PDE1C: variants seen among roughly 807,000 people sequenced by gnomAD.
PDE1C encodes the protein dual specificity calcium/calmodulin-dependent 3',5'-cyclic nucleotide phosphodiesterase 1C.
Under a neutral mutation model 93.1 loss-of-function variants are expected in PDE1C, and 62 were observed. That is an observed-to-expected ratio of 0.67 (90% CI 0.54 to 0.82). The LOEUF is 0.82. PDE1C is among the 40% of genes least tolerant of loss of function. PDE1C has a pLI of 0.00. For missense variants in PDE1C, 742 were observed against 884.6 expected (o/e 0.84, Z 2.04); for synonymous variants, 325 against 310.1 (o/e 1.05, Z -0.50).
chr7:32,266,463 T>G (rs563467075), intron 1 of PDE1C, among the ~76,000 whole-genome samples: 1 of 151,878 alleles, frequency 6.6e-6, no homozygotes, highest in East Asian at 1.9e-4. Context: ...ATCACACCAC[T>G]GCACTCCAGC....
In PDE1C at chr7:32,413,193, C is replaced by A. The variant is rs80036810; in HGVS notation, c.310+14629G>T. Among the ~76,000 whole-genome samples, 39 of 152,096 alleles carry A rather than the reference C, an allele frequency of 2.6e-4. No homozygotes were observed. In the East Asian group the frequency reaches 7.3e-3, roughly 29 times the overall value. Reference sequence around the variant, plus strand: ...CTTACGTAGGGGGGAATGCATGACACCTGCAACTTAATTTTAAATGTACAA... The same window carrying A: ...CTTACGTAGGGGGGAATGCATGACAACTGCAACTTAATTTTAAATGTACAA... On this transcript the variant is annotated intron_variant, in intron 1 of 1. Coordinates refer to the PDE1C transcript ENST00000672256.
In PDE1C at chr7:31,752,856, A is replaced by G. The variant is rs1271163635; in HGVS notation, c.*528T>C. 1.3e-5 allele frequency: 2 copies of G among 152,218 alleles called. No homozygotes were observed. Among genetic ancestry groups the G allele is most frequent in the Non-Finnish European group, 2.9e-5 (2 of 68,044 alleles). 9.4% of individuals were successfully genotyped at this position (152,218 alleles called of 1,614,324 possible). A position where few individuals can be genotyped will look rare whatever the true frequency, so the allele number is the denominator to read the frequency against. Reference sequence around the variant, plus strand: ...TTCCTTTTAATATTTTTACATTCAGAAGCACAACTTCTGTTTTGAATACAT... The same window carrying G: ...TTCCTTTTAATATTTTTACATTCAGGAGCACAACTTCTGTTTTGAATACAT... On this transcript the variant is annotated 3_prime_UTR_variant, in exon 18 of 18. Coordinates refer to ENST00000396191, the MANE Select transcript of PDE1C (RefSeq NM_001191057.4).
upstream of PDE1C, among the ~76,000 whole-genome samples, chr7:32,075,391 C>T (rs1437558214): frequency 6.6e-6 from 1 of 152,058 alleles, no homozygotes; most frequent in African/African-American, 2.4e-5. Context: ...GCACAGCAGC[C>T]CCTCCTCCCC....
At chr7:32,044,211 T>C (rs2128668438) in intron 2 of PDE1C, among the ~76,000 whole-genome samples, 1 of 152,280 alleles carries the variant, frequency 6.6e-6, no homozygotes, top group East Asian at 1.9e-4. Context: ...GTCTTTGAAT[T>C]GGATCTTGAA....
At chr7:32,117,828 G>A (rs1014113843) in intron 3 of PDE1C, among the ~76,000 whole-genome samples, 8 of 152,260 alleles carry the variant, frequency 5.3e-5, no homozygotes, top group South Asian at 2.1e-4. Context: ...AATTGGTCTC[G>A]TACTTTTAAT....
intron 3 of PDE1C, among the ~76,000 whole-genome samples, chr7:32,124,322 C>G (rs1038243963): frequency 6.6e-6 from 1 of 152,044 alleles, no homozygotes; most frequent in Non-Finnish European, 1.5e-5. Context: ...CAAACTACCA[C>G]TAACATACTT....
intron 2 of PDE1C, among the ~76,000 whole-genome samples, chr7:31,993,221 G>A (rs1784346334): frequency 6.6e-6 from 1 of 152,242 alleles, no homozygotes; most frequent in East Asian, 1.9e-4. Context: ...CTCCCTATTT[G>A]ATCATAACGC....
chr7:31,862,946 T>C (rs1316496384), intron 7 of PDE1C, among the ~76,000 whole-genome samples: 1 of 152,198 alleles, frequency 6.6e-6, no homozygotes, highest in East Asian at 1.9e-4. Flanking sequence ...TTTTACAAAA[T>C]TGTCTTTTCT....
intron 9 of PDE1C, among the ~76,000 whole-genome samples, chr7:31,840,791 A>G (rs1276509149): frequency 6.6e-6 from 1 of 152,176 alleles, no homozygotes; most frequent in Non-Finnish European, 1.5e-5. Context: ...ATCTTTCACC[A>G]GTGAAATGCT....
intron 1 of PDE1C, among the ~76,000 whole-genome samples, chr7:32,357,337 C>A (rs201358750): frequency 0.1 from 14,624 of 146,094 alleles, 933 homozygotes; most frequent in African/African-American, 0.17. Context: ...CCATCACACA[C>A]AAAAAAAAAA....
intron 2 of PDE1C, among the ~76,000 whole-genome samples, chr7:31,886,648 C>T (rs184579816): frequency 1.0e-3 from 154 of 152,186 alleles, no homozygotes; most frequent in Non-Finnish European, 1.7e-3. Flanking sequence ...ACAAAGCCCT[C>T]CCCAGTGGAG....
chr7:31,617,652 GGA>G, the PDE1C span, among the ~76,000 whole-genome samples: 4 of 426 alleles, frequency 9.4e-3, no homozygotes, highest in African/African-American at 0.014. Context: ...ATCTTTTAAA[GGA>G]AAAAAAAACC....
chr7:32,216,514 C>T (rs1275550480), intron 1 of PDE1C, among the ~76,000 whole-genome samples: 1 of 152,156 alleles, frequency 6.6e-6, no homozygotes, highest in African/African-American at 2.4e-5. Flanking sequence ...TAGCAATCTA[C>T]CATTCAGAAC....
At chr7:31,961,981 T>C (rs1301348440) in intron 2 of PDE1C, among the ~76,000 whole-genome samples, 7 of 152,208 alleles carry the variant, frequency 4.6e-5, no homozygotes, top group South Asian at 2.1e-4. Context: ...ACAAAACTTA[T>C]AGCTAGTGAT....
intron 2 of PDE1C, among the ~76,000 whole-genome samples, chr7:32,193,921 T>TG (rs1209133284): frequency 1.1e-4 from 12 of 109,752 alleles, no homozygotes; most frequent in Admixed American, 9.9e-4. Flanking sequence ...GTTTTGTTTT[T>TG]TTTTTTTTTT....
At chr7:31,874,527 A>G (rs1796315973) in intron 5 of PDE1C, among the ~76,000 whole-genome samples, 1 of 152,238 alleles carries the variant, frequency 6.6e-6, no homozygotes, top group Non-Finnish European at 1.5e-5. Flanking sequence ...GAATTCCAAC[A>G]TAATCCATCC....
chr7:32,356,142 T>C (rs1477982266), intron 1 of PDE1C, among the ~76,000 whole-genome samples: 5 of 152,162 alleles, frequency 3.3e-5, no homozygotes, highest in Admixed American at 2.0e-4. Context: ...GGATGATCCA[T>C]GAGGGATATG....
Position 32,366,360 on chromosome 7 carries a change from T to C in PDE1C, c.310+61462A>G, listed in dbSNP as rs1562692467. Among the ~76,000 whole-genome samples, 3 of 151,876 alleles carry C rather than the reference T, an allele frequency of 2.0e-5. No homozygotes were observed. In the South Asian group the frequency reaches 6.2e-4, roughly 32 times the overall value. ...CATAATTTCTGAACTTGGAGACAGGTCATTTGAAATAACACAGGCAGACAG... is the reference window on the plus strand; with the variant it reads ...CATAATTTCTGAACTTGGAGACAGGCCATTTGAAATAACACAGGCAGACAG... On this transcript the variant is annotated intron_variant, in intron 1 of 1. Transcript: ENST00000672256.
intron 1 of PDE1C, among the ~76,000 whole-genome samples, chr7:32,286,699 C>T (rs1308761292): frequency 6.6e-6 from 1 of 152,110 alleles, no homozygotes; most frequent in African/African-American, 2.4e-5. Flanking sequence ...TCCATATATA[C>T]AATTAAGTTT....
Sources: gnomAD v4.1 joint callset for allele counts (sites outside exome capture counted in the v4.1 genomes callset) on GRCh38, gnomAD v4.1.1 for gene constraint, MANE v1.5 for transcripts, NCBI Gene and HGNC (gene_info 2026-07-23, HGNC 2026-07-21) for gene names.